The following STK24 variants were observed in gnomAD, a reference collection of about 807,000 sequenced individuals.
The protein encoded by STK24 is serine/threonine-protein kinase 24.
In STK24, 21 loss-of-function variants were observed where a neutral mutation model predicts 55.6. That is an observed-to-expected ratio of 0.38 (90% CI 0.27 to 0.54). The LOEUF is 0.54. Ranked by LOEUF, STK24 falls within the 20% of genes least tolerant of loss-of-function variation. STK24 has a pLI of 0.79. For missense variants in STK24, 383 were observed against 538.4 expected (o/e 0.71, Z 2.86); for synonymous variants, 200 against 215.2 (o/e 0.93, Z 0.62).
chr13:98,536,042 T>G lies in STK24; in HGVS notation c.43-16569A>C, dbSNP rs1471774150. On this transcript the variant is annotated intron_variant, in intron 1 of 10. Transcript: ENST00000539966. ...AACGCATTTCCTTTACCTGAAAATCTTTTAGCTTTTAGAGGCCTCGAAGGG... is the reference window on the plus strand; with the variant it reads ...AACGCATTTCCTTTACCTGAAAATCGTTTAGCTTTTAGAGGCCTCGAAGGG... 3.9e-5 allele frequency among the ~76,000 whole-genome samples: 6 copies of G among 152,306 alleles called. 1 individual carries two copies. Among genetic ancestry groups the G allele is most frequent in the African/African-American group, 1.4e-4 (6 of 41,556 alleles).
intron 1 of STK24, among the ~76,000 whole-genome samples, chr13:98,532,445 ACATCC>A (rs980850246): frequency 1.3e-5 from 2 of 150,814 alleles, no homozygotes; most frequent in Admixed American, 1.3e-4. Flanking sequence ...CATCCCACAC[ACATCC>A]CATCCCACAC....
chr13:98,568,335 G>A (rs879441112), intron 1 of STK24, among the ~76,000 whole-genome samples: 16 of 152,012 alleles, frequency 1.1e-4, no homozygotes, highest in Non-Finnish European at 2.2e-4. Flanking sequence ...TGGACCCCCG[G>A]CTCTCAGGAA....
intron 3 of STK24, among the ~76,000 whole-genome samples, chr13:98,478,290 C>T (rs979825894): frequency 1.3e-5 from 2 of 152,248 alleles, no homozygotes; most frequent in Non-Finnish European, 2.9e-5. Flanking sequence ...GCCTGTCCTC[C>T]CCTGCTTCGA....
chr13:98,524,878 G>A (rs894280075), intron 1 of STK24, among the ~76,000 whole-genome samples: 4 of 152,214 alleles, frequency 2.6e-5, no homozygotes, highest in African/African-American at 4.8e-5. Flanking sequence ...TACGGCACCT[G>A]TACAATAAAG....
At chr13:98,471,653 G>A (rs1159329957) in intron 5 of STK24, among the ~76,000 whole-genome samples, 1 of 152,188 alleles carries the variant, frequency 6.6e-6, no homozygotes, top group Non-Finnish European at 1.5e-5. Flanking sequence ...AGCAACACCT[G>A]AGCAGCCCAG....
At chr13:98,542,245 T>C (rs1028049644) in intron 1 of STK24, among the ~76,000 whole-genome samples, 2 of 152,200 alleles carry the variant, frequency 1.3e-5, no homozygotes, top group Admixed American at 1.3e-4. Context: ...GCATTGTAAA[T>C]GGGACTTAAA....
chr13:98,549,301 C>A (rs1382657385), intron 1 of STK24, among the ~76,000 whole-genome samples: 1 of 152,190 alleles, frequency 6.6e-6, no homozygotes, highest in Non-Finnish European at 1.5e-5. Flanking sequence ...CTGGCAGATT[C>A]GGTGTGTACT....
chr13:98,455,373 T>G (rs978167789), intron 10 of STK24: 1 of 151,608 alleles, frequency 6.6e-6, no homozygotes, highest in East Asian at 1.9e-4. Flanking sequence ...CCCAAGTAGC[T>G]AGGGCCACAG....
At chr13:98,562,010 C>T (rs1191775433) in intron 1 of STK24, among the ~76,000 whole-genome samples, 9 of 145,750 alleles carry the variant, frequency 6.2e-5, no homozygotes, top group Admixed American at 4.1e-4. Flanking sequence ...AAAGATGTGA[C>T]ACGCCTTGTA....
chr13:98,498,977 G>A (rs1041088478), intron 2 of STK24, among the ~76,000 whole-genome samples: 19 of 151,642 alleles, frequency 1.3e-4, no homozygotes, highest in African/African-American at 3.9e-4. Flanking sequence ...AGGCAGGCAC[G>A]GTGGCTCATG....
At chr13:98,569,381 G>A (rs1479082267) in intron 1 of STK24, among the ~76,000 whole-genome samples, 1 of 146,568 alleles carries the variant, frequency 6.8e-6, no homozygotes, top group Non-Finnish European at 1.5e-5. Flanking sequence ...CAACATCATG[G>A]CATAAACCAA....
chr13:98,576,272 C>A (rs1897889496), intron 1 of STK24: 15 of 963,634 alleles, frequency 1.6e-5, no homozygotes, highest in Middle Eastern at 5.3e-4. Context: ...CCCGTCCCCG[C>A]CCTGCCCAGG....
intron 3 of STK24, among the ~76,000 whole-genome samples, chr13:98,480,537 T>C (rs1320156430): frequency 6.6e-6 from 1 of 152,228 alleles, no homozygotes; most frequent in East Asian, 1.9e-4. Context: ...TTGCTGTTTT[T>C]CCCTTTTTAA....
chr13:98,464,193 A>G (rs1893838008), intron 6 of STK24, among the ~76,000 whole-genome samples: 1 of 152,108 alleles, frequency 6.6e-6, no homozygotes, highest in African/African-American at 2.4e-5. Flanking sequence ...CGAGGCGGGC[A>G]GATCACGAGG....
chr13:98,479,210 G>C (rs565582681), intron 3 of STK24, among the ~76,000 whole-genome samples: 2 of 152,350 alleles, frequency 1.3e-5, no homozygotes, highest in East Asian at 3.9e-4. Context: ...TGACTGACTT[G>C]AGTAGTTTTC....
chr13:98,523,447 G>A (rs1031630501), intron 1 of STK24, among the ~76,000 whole-genome samples: 4 of 152,208 alleles, frequency 2.6e-5, no homozygotes, highest in South Asian at 2.1e-4. Context: ...CTCCCAGCAA[G>A]AGACAGTGGC....
chr13:98,473,595 G>C (rs1356772859), intron 5 of STK24, among the ~76,000 whole-genome samples: 6 of 152,146 alleles, frequency 3.9e-5, no homozygotes. Flanking sequence ...TCCCACGTGG[G>C]GTAGAGACAC....
chr13:98,515,514 TG>T (rs1012713279), intron 2 of STK24, among the ~76,000 whole-genome samples: 13 of 142,528 alleles, frequency 9.1e-5, no homozygotes, highest in Middle Eastern at 3.6e-3. Flanking sequence ...CCATAAATAT[TG>T]GGGGGGTGGG....
chr13:98,543,606 G>C (rs1896952498), intron 1 of STK24, among the ~76,000 whole-genome samples: 1 of 152,178 alleles, frequency 6.6e-6, no homozygotes, highest in Non-Finnish European at 1.5e-5. Context: ...GAGAGACAGA[G>C]AATACAGAGA....
Sources: allele counts gnomAD v4.1 joint callset (sites outside exome capture counted in the v4.1 genomes callset), GRCh38; gene constraint gnomAD v4.1.1; transcripts MANE v1.5; gene names NCBI Gene and HGNC (gene_info 2026-07-23, HGNC 2026-07-21).